Variants in STAT5A observed in about 807,000 individuals in gnomAD.
STAT5A encodes signal transducer and activator of transcription 5A.
A neutral mutation model predicts 100.2 loss-of-function variants in STAT5A; 26 were observed. That is an observed-to-expected ratio of 0.26 (90% confidence interval 0.19 to 0.36). STAT5A has a LOEUF of 0.36. Ranked by LOEUF, STAT5A falls within the 10% of genes least tolerant of loss-of-function variation. The pLI, the probability that STAT5A is intolerant of heterozygous loss-of-function variation, is 1.00. For synonymous variants in STAT5A, 330 were observed against 424.3 expected (o/e 0.78, Z 2.73); for missense variants, 634 against 1,027.5 (o/e 0.62, Z 5.24).
rs542951586 is a variant in STAT5A at position 42,304,104 on chromosome 17, G to A, written c.1170-238G>A. 5 of 533,144 alleles carry A rather than the reference G, an allele frequency of 9.4e-6. No homozygotes were observed. Among genetic ancestry groups the A allele is most frequent in the Admixed American group, 6.2e-5 (2 of 32,472 alleles). The allele number at this position is 533,144 out of a possible 1,614,324, so 33.0% of individuals were successfully genotyped here. A position where few individuals can be genotyped will look rare whatever the true frequency, so the allele number is the denominator to read the frequency against. On this transcript the variant is annotated intron_variant, in intron 9 of 18. Coordinates refer to ENST00000590949, the MANE Select transcript of STAT5A (RefSeq NM_001288718.2). The surrounding 1 kb of genome is among the most constrained non-coding windows in gnomAD (Gnocchi z 4.8). ...AAGCCCTCACATCAATCTTGGTATC[G>A]AGGAATTTCTAATGATAGATCCAGA... is the stretch of plus-strand genomic sequence containing the variant.
At chr17:42,297,348 T>C (rs1294648840) in intron 5 of STAT5A, among the ~76,000 whole-genome samples, 3 of 152,200 alleles carry the variant, frequency 2.0e-5, no homozygotes, top group East Asian at 3.8e-4. Context: ...TTTTGGGCGG[T>C]TATTCCTACC....
rs2081010030 is a variant in STAT5A at position 42,304,500 on chromosome 17, C to T, written c.1258-30C>T. On this transcript the variant is annotated intron_variant, in intron 10 of 18. Transcript: ENST00000590949. This position sits in a 1 kb window ranked among gnomAD's most constrained non-coding sequence, Gnocchi z 4.8. ...AGTCCTTGTAAGCAGCCGCCATCTC[C>T]CTGTTCCCCTGTCACCTCCCACCCT... 1.9e-6 allele frequency: 3 copies of T among 1,614,090 alleles called. No individual in the cohort carries two copies. Among genetic ancestry groups the T allele is most frequent in the African/African-American group, 1.3e-5 (1 of 74,948 alleles).
chr17:42,288,944 C>G lies in STAT5A; in HGVS notation c.-11+346C>G, dbSNP rs973654969. 1.3e-5 allele frequency among the ~76,000 whole-genome samples: 2 copies of G among 152,236 alleles called. No individual in the cohort carries two copies. The highest frequency in any genetic ancestry group is 2.9e-5 in the Non-Finnish European group (2 of 68,036). On this transcript the variant is annotated intron_variant, in intron 1 of 18. Coordinates refer to ENST00000590949, the MANE Select transcript of STAT5A (RefSeq NM_001288718.2). The surrounding 1 kb of genome is among the most constrained non-coding windows in gnomAD (Gnocchi z 4.8). ...CTCCTGAACAGCCCCAGCCACGTGC[C>G]CGAAAAGCCCTAGCCGTCGAGTGGG... is the stretch of plus-strand genomic sequence containing the variant.
At chr17:42,291,856 G>T (rs909798664) in intron 3 of STAT5A, 116 bp from the exon 4 acceptor site, 8 of 1,035,986 alleles carry the variant, frequency 7.7e-6, no homozygotes, top group Non-Finnish European at 7.2e-6. Flanking sequence ...TAGTTCCTGA[G>T]GCTCCCTGGG....
At chr17:42,292,777 C>T (rs1396997802) in intron 4 of STAT5A, among the ~76,000 whole-genome samples, 2 of 152,140 alleles carry the variant, frequency 1.3e-5, no homozygotes, top group Admixed American at 1.3e-4. Context: ...CAGGTGCCCA[C>T]CACCATGCCC....
At position 42,304,246 on chromosome 17, in the gene STAT5A, G is replaced by T. The variant is rs1437147896; in HGVS notation, c.1170-96G>T. 8.3e-7 allele frequency: 1 copy of T among 1,203,446 alleles called. No individual in the cohort carries two copies. The highest frequency in any genetic ancestry group is 1.8e-5 in the Admixed American group (1 of 54,058). 74.5% of individuals were successfully genotyped at this position (1,203,446 alleles called of 1,614,324 possible). On this transcript the variant is annotated intron_variant, in intron 9 of 18. Transcript: ENST00000590949. The surrounding 1 kb of genome is among the most constrained non-coding windows in gnomAD (Gnocchi z 4.8). ...GATACGGGGCAGGGGCTGCTGGCAG[G>T]GCTGACCTGAGCGAAGACCCCAGCC...
Position 42,295,747 on chromosome 17 carries a change from T to G in STAT5A, c.504T>G (p.Thr168=). 1.9e-6 allele frequency: 3 copies of G among 1,613,962 alleles called. No individual in the cohort carries two copies. Among genetic ancestry groups the G allele is most frequent in the Non-Finnish European group, 2.5e-6 (3 of 1,179,964 alleles). The change falls in exon 5 of 19, where the codon ACT becomes ACG. Residue 168 remains threonine, a synonymous_variant. Coordinates refer to ENST00000590949, the MANE Select transcript of STAT5A (RefSeq NM_001288718.2). ...TENELKKLQQ[T]QEYFIIQYQE... ...ATGAGCTGAAGAAACTGCAGCAGAC[T>G]CAGGAGTACTTCATCATCCAGTACC...
chr17:42,298,025 A>G (rs1159298398), intron 5 of STAT5A, among the ~76,000 whole-genome samples: 12 of 139,924 alleles, frequency 8.6e-5, no homozygotes, highest in African/African-American at 3.2e-4. Flanking sequence ...AGTGTGGTGG[A>G]GACGGGCTGT....
chr17:42,303,504 G>A (rs2081000678), intron 9 of STAT5A, among the ~76,000 whole-genome samples: 1 of 152,206 alleles, frequency 6.6e-6, no homozygotes, highest in South Asian at 2.1e-4. Flanking sequence ...GAGATCAGGA[G>A]TTCGAAACCA....
intron 3 of STAT5A, 50 bp downstream of exon 3, chr17:42,290,072 C>T (rs77118912): frequency 2.0e-6 from 3 of 1,536,954 alleles, no homozygotes; most frequent in Admixed American, 2.0e-5. Flanking sequence ...CATCTTGTTC[C>T]AGCATCAGAA....
Position 42,308,248 on chromosome 17 carries a change from G to T in STAT5A, c.1977G>T (p.Arg659=). ...TCTCCATCAGGTCCCTGGCTGACCGGCTGGGGGACCTGAGCTATCTCATCT... is the reference window on the plus strand; with the variant it reads ...TCTCCATCAGGTCCCTGGCTGACCGTCTGGGGGACCTGAGCTATCTCATCT... ...RDFSIRSLAD[R]LGDLSYLIYV... The change falls in exon 16 of 19, where the codon CGG becomes CGT. Residue 659 remains arginine (R), a synonymous_variant. Coordinates refer to ENST00000590949, the MANE Select transcript of STAT5A (RefSeq NM_001288718.2). This position sits in a 1 kb window ranked among gnomAD's most constrained non-coding sequence, Gnocchi z 4.6. The T allele has an allele frequency of 6.2e-7, 1 of 1,614,220 alleles. No individual in the cohort carries two copies. Among genetic ancestry groups the T allele is most frequent in the East Asian group, 2.2e-5 (1 of 44,890 alleles).
At chr17:42,301,724 C>G (rs2080981668) in intron 9 of STAT5A, among the ~76,000 whole-genome samples, 1 of 152,216 alleles carries the variant, frequency 6.6e-6, no homozygotes, top group Admixed American at 6.5e-5. Context: ...CACTGCCCAG[C>G]ATTGTGAGAG....
At chr17:42,292,103 C>CT in intron 4 of STAT5A, 42 bp downstream of exon 4, 1 of 1,602,466 alleles carries the variant, frequency 6.2e-7, no homozygotes, top group Non-Finnish European at 8.5e-7. Flanking sequence ...TGAGAAGTCC[C>CT]TCCATATGCC....
In STAT5A at chr17:42,310,891, G is replaced by A. The variant is rs1263761654; in HGVS notation, c.*222G>A. ...CCTCTTTTCAGATCATGGCATCCAA[G>A]AGTGCGCCGAGTCTGTCTCTGTCAT... On this transcript the variant is annotated 3_prime_UTR_variant, in exon 19 of 19. Transcript: ENST00000590949. 7.2e-6 allele frequency: 5 copies of A among 696,120 alleles called. No homozygotes were observed. In the Admixed American group the frequency reaches 1.2e-4, roughly 16 times the overall value. 43.1% of individuals were successfully genotyped at this position (696,120 alleles called of 1,614,324 possible).
In STAT5A at chr17:42,290,017, C is replaced by T. The variant is rs757825498; in HGVS notation, c.280C>T (p.Leu94Phe). The T allele has an allele frequency of 1.9e-6, 3 of 1,611,960 alleles. No homozygotes were observed. Among genetic ancestry groups the T allele is most frequent in the Admixed American group, 3.3e-5 (2 of 59,814 alleles). Residue 94 changes from leucine (L) to phenylalanine (F), a missense_variant, in exon 3 of 19, where the codon CTC (leucine) becomes TTC (phenylalanine). Physicochemically the swap from Leu to Phe is conservative, Grantham distance 22 (BLOSUM62 0). This residue lies in a region of STAT5A where 207 missense variants were observed against 256.6 expected (regional missense o/e 0.81). Coordinates refer to ENST00000590949, the MANE Select transcript of STAT5A (RefSeq NM_001288718.2). ...KIKLGHYATQ[L>F]QKTYDRCPLE... is the part of the protein sequence containing the mutation. Reference sequence around the variant, plus strand: ...CAAGCTGGGGCACTACGCCACGCAGCTCCAGGTGGGTGTAGGCTCTGGGCC... The same window carrying T: ...CAAGCTGGGGCACTACGCCACGCAGTTCCAGGTGGGTGTAGGCTCTGGGCC...
In STAT5A at chr17:42,288,993, T is replaced by G. The variant is rs1334751689; in HGVS notation, c.-11+395T>G. On this transcript the variant is annotated intron_variant, in intron 1 of 18. Transcript: ENST00000590949. This position sits in a 1 kb window ranked among gnomAD's most constrained non-coding sequence, Gnocchi z 4.8. ...GGAGCCGTCGTGGCGCTGGCCTAAC[T>G]TCGGGTTGGAATATCTCCCCTTCCC... is the stretch of plus-strand genomic sequence containing the variant. Among the ~76,000 whole-genome samples the G allele has an allele frequency of 6.6e-6, 1 of 152,200 alleles. No homozygotes were observed. Among genetic ancestry groups the G allele is most frequent in the Non-Finnish European group, 1.5e-5 (1 of 68,022 alleles).
chr17:42,297,727 C>T (rs4029777), intron 5 of STAT5A, among the ~76,000 whole-genome samples: 97 of 152,136 alleles, frequency 6.4e-4, no homozygotes, highest in African/African-American at 2.0e-3. Context: ...GCCGTGCAGA[C>T]ACCTCGGATC....
intron 8 of STAT5A, 134 bp from the exon 9 acceptor site, chr17:42,301,141 G>T: frequency 6.9e-7 from 1 of 1,444,234 alleles, no homozygotes; most frequent in Non-Finnish European, 9.4e-7. Context: ...GCTTCCCCGG[G>T]AACAGAGGTT....
chr17:42,289,285 A>C, intron 1 of STAT5A, 117 bp from the exon 2 acceptor site: 1 of 1,157,054 alleles, frequency 8.6e-7, no homozygotes, highest in Non-Finnish European at 1.2e-6. Context: ...TATCTGTGGG[A>C]GGGGAGGGGC....
Sources: gnomAD v4.1 joint callset for allele counts (sites outside exome capture counted in the v4.1 genomes callset) on GRCh38, gnomAD v4.1.1 for gene constraint, gnomAD v4.1.1 regional missense constraint, Gnocchi (gnomAD v3.1) non-coding constraint, MANE v1.5 for transcripts, NCBI Gene and HGNC (gene_info 2026-07-23, HGNC 2026-07-21) for gene names.